Variants in KATNIP observed in about 807,000 individuals in gnomAD.
The protein encoded by KATNIP is katanin-interacting protein.
In KATNIP, 126 loss-of-function variants were observed where a neutral mutation model predicts 174.0. The ratio of observed to expected loss-of-function variants is 0.72; its 90% CI spans 0.63 to 0.84. KATNIP has a LOEUF of 0.84. Among genes scored for constraint, KATNIP ranks in the 40% least tolerant of loss-of-function variants. KATNIP has a pLI of 0.00. For synonymous variants in KATNIP, 810 were observed against 835.7 expected, an observed-to-expected ratio of 0.97 and a Z score of 0.53; for missense variants, 1,958 against 2,109.7, an observed-to-expected ratio of 0.93 and a Z score of 1.41.
intron 5 of KATNIP, chr16:27,643,223 A>T (rs1188597936): frequency 2.0e-5 from 3 of 152,212 alleles, no homozygotes; most frequent in African/African-American, 7.2e-5. Flanking sequence ...AGGCTGTGCA[A>T]CTTCCTCGCT....
Position 27,776,880 on chromosome 16 carries a change from C to T in KATNIP, c.4450-48C>T, listed in dbSNP as rs1330172449. 1.4e-6 allele frequency: 2 copies of T among 1,391,640 alleles called. No individual in the cohort carries two copies. The highest frequency in any genetic ancestry group is 2.3e-5 in the South Asian group (2 of 86,300). The allele number at this position is 1,391,640 out of a possible 1,614,324, so 86.2% of individuals were successfully genotyped here. A position where few individuals can be genotyped will look rare whatever the true frequency, so the allele number is the denominator to read the frequency against. ...CTGGCACCCCCAGCCCAGCCAAGCG[C>T]CTCTGTTTCCAAACATGCCTGTTTT... On this transcript the variant is annotated intron_variant, in intron 24 of 27. Coordinates refer to ENST00000261588, the MANE Select transcript of KATNIP (RefSeq NM_015202.5). The surrounding 1 kb of genome is among the most constrained non-coding windows in gnomAD (Gnocchi z 4.7).
chr16:27,770,996 G>A (rs1407584277), intron 21 of KATNIP, among the ~76,000 whole-genome samples: 1 of 152,204 alleles, frequency 6.6e-6, no homozygotes, highest in Non-Finnish European at 1.5e-5. Flanking sequence ...TTGCTCTGCT[G>A]CTCCTCTGCG....
At chr16:27,721,760 A>G in intron 14 of KATNIP, 65 bp downstream of exon 14, 2 of 1,567,348 alleles carry the variant, frequency 1.3e-6, no homozygotes, top group South Asian at 1.1e-5. Context: ...CAGTTTGCCA[A>G]TAGCCTGATT....
rs547178592 is a variant in KATNIP at position 27,750,776 on chromosome 16, G to T, written c.3346+470G>T. Among the ~76,000 whole-genome samples the T allele has an allele frequency of 2.4e-5, 3 of 122,962 alleles. No individual in the cohort carries two copies. In the East Asian group the frequency reaches 7.0e-4, roughly 29 times the overall value. 80.7% of individuals were successfully genotyped at this position (122,962 alleles called of 152,430 possible). A position where few individuals can be genotyped will look rare whatever the true frequency, so the allele number is the denominator to read the frequency against. ...TTTTTGGGTGGGGAGACAGGATCTT[G>T]CCCTGCACAGTGGCATGGTTTCGGC... On this transcript the variant is annotated intron_variant, in intron 16 of 27. Coordinates refer to ENST00000261588, the MANE Select transcript of KATNIP (RefSeq NM_015202.5).
intron 12 of KATNIP, among the ~76,000 whole-genome samples, chr16:27,706,551 C>T (rs2079312643): frequency 1.3e-5 from 2 of 152,218 alleles, no homozygotes; most frequent in Non-Finnish European, 2.9e-5. Context: ...TGTCCCCCTC[C>T]CACCGCCAAG....
chr16:27,690,315 C>CACAT (rs1555473958), intron 8 of KATNIP, among the ~76,000 whole-genome samples: 13 of 128,658 alleles, frequency 1.0e-4, no homozygotes, highest in Non-Finnish European at 1.3e-4. Flanking sequence ...GACCCCATCT[C>CACAT]AGATAGATAG....
intron 8 of KATNIP, among the ~76,000 whole-genome samples, chr16:27,683,073 T>C (rs2078405775): frequency 6.6e-6 from 1 of 152,212 alleles, no homozygotes; most frequent in Admixed American, 6.5e-5. Context: ...TAGTTTCAGT[T>C]ATTCTGTTAT....
intron 11 of KATNIP, among the ~76,000 whole-genome samples, chr16:27,703,152 A>G (rs1189747189): frequency 2.0e-5 from 3 of 151,700 alleles, no homozygotes; most frequent in Non-Finnish European, 4.4e-5. Flanking sequence ...GGGCAACAAG[A>G]GCAAAACTCC....
intron 21 of KATNIP, 65 bp from the exon 22 acceptor site, chr16:27,771,523 G>A: frequency 6.6e-7 from 1 of 1,505,162 alleles, no homozygotes; most frequent in Non-Finnish European, 9.2e-7. Flanking sequence ...TTACCTAGGG[G>A]GTAACTGGCT....
At chr16:27,625,754 C>T (rs888497125) in intron 3 of KATNIP, among the ~76,000 whole-genome samples, 2 of 152,194 alleles carry the variant, frequency 1.3e-5, no homozygotes, top group Admixed American at 6.5e-5. Flanking sequence ...TTACATTTAT[C>T]ACCTTCCACA....
At chr16:27,575,966 C>A (rs1191586128) in intron 2 of KATNIP, among the ~76,000 whole-genome samples, 1 of 152,126 alleles carries the variant, frequency 6.6e-6, no homozygotes, top group Non-Finnish European at 1.5e-5. Flanking sequence ...TCCAGAGACC[C>A]TGAGGTAGAG....
At chr16:27,665,799 C>G (rs543350605) in intron 6 of KATNIP, among the ~76,000 whole-genome samples, 2 of 152,102 alleles carry the variant, frequency 1.3e-5, no homozygotes, top group African/African-American at 4.8e-5. Context: ...TGGGGTTTCA[C>G]CATGTTGGCC....
chr16:27,649,421 C>T (rs1335828007), intron 6 of KATNIP, among the ~76,000 whole-genome samples: 1 of 152,210 alleles, frequency 6.6e-6, no homozygotes. Flanking sequence ...TCTCACTGAC[C>T]ATCAGGCTCT....
intron 2 of KATNIP, among the ~76,000 whole-genome samples, chr16:27,606,510 CACAT>C (rs1194406525): frequency 6.6e-6 from 1 of 151,622 alleles, no homozygotes; most frequent in African/African-American, 2.4e-5. Context: ...GACACACACA[CACAT>C]ACACACACAC....
At chr16:27,764,978 G>T (rs538710492) in intron 19 of KATNIP, among the ~76,000 whole-genome samples, 1 of 152,054 alleles carries the variant, frequency 6.6e-6, no homozygotes, top group South Asian at 2.1e-4. Flanking sequence ...TCGATTATGA[G>T]ATTTTTTTTT....
At chr16:27,589,233 A>G (rs774599282) in intron 2 of KATNIP, among the ~76,000 whole-genome samples, 6 of 152,106 alleles carry the variant, frequency 3.9e-5, no homozygotes, top group Non-Finnish European at 5.9e-5. Context: ...TATTTCAACT[A>G]GGAGTAGCTT....
At chr16:27,739,290 A>G (rs567297695) in intron 14 of KATNIP, among the ~76,000 whole-genome samples, 8 of 152,326 alleles carry the variant, frequency 5.3e-5, no homozygotes, top group Admixed American at 1.3e-4. Flanking sequence ...CACTGCTTCA[A>G]TGATGGAGCC....
At chr16:27,602,783 C>T (rs558243096) in intron 2 of KATNIP, among the ~76,000 whole-genome samples, 50 of 152,272 alleles carry the variant, frequency 3.3e-4, no homozygotes, top group Non-Finnish European at 5.1e-4. Flanking sequence ...ACTGCAACCT[C>T]CTCCTCCTGG....
At chr16:27,554,023 GGA>G (rs1384977752) in intron 1 of KATNIP, among the ~76,000 whole-genome samples, 5 of 150,952 alleles carry the variant, frequency 3.3e-5, no homozygotes, top group African/African-American at 9.7e-5. Flanking sequence ...GGGAGGGAGA[GGA>G]GAGAGAAAGG....
Sources: gnomAD v4.1 joint callset for allele counts (sites outside exome capture counted in the v4.1 genomes callset) on GRCh38, gnomAD v4.1.1 for gene constraint, Gnocchi (gnomAD v3.1) non-coding constraint, MANE v1.5 for transcripts, NCBI Gene and HGNC (gene_info 2026-07-23, HGNC 2026-07-21) for gene names.